PATJ: variants seen among roughly 807,000 people sequenced by gnomAD.
PATJ encodes the protein PATJ crumbs cell polarity complex component, also known as inaD-like protein.
A neutral mutation model predicts 224.9 loss-of-function variants in PATJ; 190 were observed. The observed-to-expected ratio is 0.84, with a 90% CI of 0.75 to 0.95. PATJ has a LOEUF of 0.95. PATJ is among the 40% of genes least tolerant of loss of function. PATJ has a pLI of 0.00. For missense variants in PATJ, 2,121 were observed against 2,270.3 expected, an observed-to-expected ratio of 0.93 and a Z score of 1.34; for synonymous variants, 769 against 820.3, an observed-to-expected ratio of 0.94 and a Z score of 1.07.
intron 27 of PATJ, among the ~76,000 whole-genome samples, chr1:61,937,902 G>A (rs1002588056): frequency 3.3e-5 from 5 of 152,012 alleles, no homozygotes; most frequent in Admixed American, 2.0e-4. Context: ...CACCTGCCTC[G>A]GCCTCCCAGA....
chr1:61,852,510 G>C (rs1662990335), intron 17 of PATJ: 1 of 152,000 alleles, frequency 6.6e-6, no homozygotes, highest in Non-Finnish European at 1.5e-5. Context: ...TGTGCACATT[G>C]GCAGCACATG....
At chr1:61,748,549 CCTGGCCATGTAAATGGATTAATA>C (rs1329318660) in intron 1 of PATJ, among the ~76,000 whole-genome samples, 10 of 152,202 alleles carry the variant, frequency 6.6e-5, no homozygotes, top group Non-Finnish European at 7.4e-5. Context: ...AGCCACTGCG[CCTGGCCATGTAAATGGATTAATA>C]CTCCAAATTA....
rs1664463593 is a variant in PATJ at position 62,116,543 on chromosome 1, G to C, written c.4667G>C (p.Gly1556Ala). Residue 1556 changes from glycine to alanine, a missense_variant, in exon 36 of 44, where the codon GGA becomes GCA. Physicochemically the swap from Gly to Ala is moderately conservative, Grantham distance 60. Coordinates refer to ENST00000642238, the MANE Select transcript of PATJ (RefSeq NM_001350145.3). ...LSIVGKRNGS[G>A]VFISDIVKGG... The stretch of plus-strand genomic sequence containing the variant: ...TATGGTATTAACAGAAATGGAAGCG[G>C]AGTGTTTATTTCTGACATCGTGAAA... The C allele has an allele frequency of 6.2e-7, 1 of 1,613,870 alleles. No homozygotes were observed. Among genetic ancestry groups the C allele is most frequent in the Admixed American group, 1.7e-5 (1 of 59,966 alleles).
rs200824830 is a variant in PATJ at position 62,026,462 on chromosome 1, T to TTGTGTGTGTGTG, written c.3959+8529_3959+8540dup. ...GTTGATGTGTTCATTTATTCAACAT[T>TTGTGTGTGTGTG]TGTGTGTGTGTGTGTGTGTGTGTGT... On this transcript the variant is annotated intron_variant, in intron 29 of 43. Transcript: ENST00000642238. Among the ~76,000 whole-genome samples, 570 of 123,540 alleles carry TTGTGTGTGTGTG rather than the reference T, an allele frequency of 4.6e-3. 4 individuals carry two copies. The highest frequency in any genetic ancestry group is 0.016 in the African/African-American group (485 of 30,804). 81.0% of individuals were successfully genotyped at this position (123,540 alleles called of 152,430 possible).
At chr1:61,759,473 G>A (rs995403615) in intron 1 of PATJ, among the ~76,000 whole-genome samples, 2 of 147,786 alleles carry the variant, frequency 1.4e-5, no homozygotes, top group Non-Finnish European at 1.5e-5. Flanking sequence ...GCAGTGGCAC[G>A]ATCCCGGCTC....
At chr1:62,124,946 G>A (rs1665514015) in intron 39 of PATJ, among the ~76,000 whole-genome samples, 1 of 152,128 alleles carries the variant, frequency 6.6e-6, no homozygotes, top group Admixed American at 6.6e-5. Flanking sequence ...TAGCTGTACA[G>A]CTGGGTGCGG....
chr1:62,056,988 G>A (rs1174539000), intron 31 of PATJ, among the ~76,000 whole-genome samples: 4 of 152,026 alleles, frequency 2.6e-5, no homozygotes, highest in African/African-American at 9.7e-5. Context: ...CACCAGGCCC[G>A]GCTAATTTTT....
At chr1:61,983,484 T>C (rs1644559744) in intron 27 of PATJ, among the ~76,000 whole-genome samples, 1 of 152,140 alleles carries the variant, frequency 6.6e-6, no homozygotes. Context: ...AATACAGCTC[T>C]AAAGAGGAAA....
chr1:62,005,422 T>G (rs1431827544), intron 28 of PATJ, among the ~76,000 whole-genome samples: 2 of 151,716 alleles, frequency 1.3e-5, no homozygotes, highest in South Asian at 2.1e-4. Flanking sequence ...ATGTGGTTTT[T>G]TTTTTTTTTT....
chr1:61,871,435 G>GCGTATA (rs1666442290), intron 20 of PATJ, among the ~76,000 whole-genome samples: 1 of 72,154 alleles, frequency 1.4e-5, no homozygotes, highest in Admixed American at 1.4e-4. Context: ...ACATATATAT[G>GCGTATA]TGTATATACA....
At chr1:61,846,111 T>C (rs1364447541) in intron 17 of PATJ, 1 of 152,146 alleles carries the variant, frequency 6.6e-6, no homozygotes, top group Non-Finnish European at 1.5e-5. Flanking sequence ...ATAGTAATAA[T>C]AGTAATGTTA....
intron 41 of PATJ, among the ~76,000 whole-genome samples, chr1:62,136,665 CTGTGTG>C (rs71050202): frequency 7.0e-4 from 33 of 46,830 alleles, no homozygotes; most frequent in South Asian, 2.9e-3. Flanking sequence ...GTGTGTGTGT[CTGTGTG>C]TGTGTGTGTG....
At chr1:62,157,335 T>C (rs1184377772) in intron 43 of PATJ, among the ~76,000 whole-genome samples, 3 of 146,934 alleles carry the variant, frequency 2.0e-5, no homozygotes, top group Admixed American at 1.4e-4. Flanking sequence ...AAAAAAAAAG[T>C]TATCTTGCTC....
At chr1:61,777,464 G>A (rs1251675111) in intron 7 of PATJ, among the ~76,000 whole-genome samples, 1 of 152,032 alleles carries the variant, frequency 6.6e-6, no homozygotes, top group African/African-American at 2.4e-5. Context: ...AGGAGGTAGA[G>A]GCTGCTTTGA....
intron 1 of PATJ, among the ~76,000 whole-genome samples, chr1:61,746,961 T>TA (rs1192143016): frequency 1.3e-5 from 2 of 152,242 alleles, no homozygotes; most frequent in Non-Finnish European, 1.5e-5. Context: ...TTCTAGTTCT[T>TA]ACAATTGCAT....
At chr1:62,005,925 T>C (rs886898830) in intron 28 of PATJ, among the ~76,000 whole-genome samples, 14 of 152,342 alleles carry the variant, frequency 9.2e-5, no homozygotes, top group African/African-American at 3.4e-4. Context: ...TTAGGTATAA[T>C]ATATTATGAC....
intron 41 of PATJ, among the ~76,000 whole-genome samples, chr1:62,137,249 A>G (rs1445130039): frequency 1.3e-5 from 2 of 151,460 alleles, no homozygotes; most frequent in South Asian, 4.2e-4. Flanking sequence ...ATGAAAATAA[A>G]TATCTTCTTA....
chr1:62,031,006 A>G (rs1649164238), intron 29 of PATJ, among the ~76,000 whole-genome samples: 1 of 152,232 alleles, frequency 6.6e-6, no homozygotes. Context: ...ATAAACTTGT[A>G]TAGAGCATGT....
intron 29 of PATJ, among the ~76,000 whole-genome samples, chr1:62,031,901 C>A (rs550817721): frequency 1.2e-4 from 18 of 152,262 alleles, no homozygotes; most frequent in African/African-American, 3.6e-4. Flanking sequence ...AACAATGGTA[C>A]CTGGTAAGCG....
Sources: allele counts gnomAD v4.1 joint callset (sites outside exome capture counted in the v4.1 genomes callset), GRCh38; gene constraint gnomAD v4.1.1; transcripts MANE v1.5; gene names NCBI Gene and HGNC (gene_info 2026-07-23, HGNC 2026-07-21).